The following RIMS2 variants were observed in gnomAD, a reference collection of about 807,000 sequenced individuals.
RIMS2 encodes the protein regulating synaptic membrane exocytosis 2.
A neutral mutation model predicts 174.4 loss-of-function variants in RIMS2; 59 were observed. The ratio of observed to expected loss-of-function variants is 0.34; its 90% CI spans 0.27 to 0.42. The LOEUF is 0.42. Among genes scored for constraint, RIMS2 ranks in the 10% least tolerant of loss-of-function variants. RIMS2 has a pLI of 1.00. For missense variants in RIMS2, 1,620 were observed against 1,666.3 expected (o/e 0.97, Z 0.48); for synonymous variants, 606 against 572.5 (o/e 1.06, Z -0.84).
chr8:103,660,516 T>A (rs1387159490), intron 1 of RIMS2, among the ~76,000 whole-genome samples: 1 of 152,102 alleles, frequency 6.6e-6, no homozygotes, highest in Non-Finnish European at 1.5e-5. Context: ...CTCATTTTAT[T>A]GGTGATGATG....
At chr8:104,236,231 A>G (rs926885184) in intron 19 of RIMS2, among the ~76,000 whole-genome samples, 2 of 152,020 alleles carry the variant, frequency 1.3e-5, no homozygotes, top group African/African-American at 4.8e-5. Context: ...GGCATGCTAC[A>G]TTTCATCACT....
chr8:103,806,857 A>G (rs2098653564), intron 3 of RIMS2, among the ~76,000 whole-genome samples: 1 of 152,164 alleles, frequency 6.6e-6, no homozygotes, highest in African/African-American at 2.4e-5. Flanking sequence ...CAAAAGAGAT[A>G]TCAAGGTTAA....
intron 19 of RIMS2, among the ~76,000 whole-genome samples, chr8:104,025,708 T>TACAC (rs34638633): frequency 0.023 from 3,503 of 149,318 alleles, 117 homozygotes; most frequent in African/African-American, 0.075. Flanking sequence ...GTTAAACGTA[T>TACAC]ACACACACAC....
intron 19 of RIMS2, among the ~76,000 whole-genome samples, chr8:104,229,916 A>G (rs1237512522): frequency 6.6e-6 from 1 of 152,250 alleles, no homozygotes; most frequent in Non-Finnish European, 1.5e-5. Flanking sequence ...TGAGCTTCGT[A>G]GACATCACCA....
chr8:104,182,707 A>G (rs1405098766), intron 19 of RIMS2, among the ~76,000 whole-genome samples: 2 of 151,758 alleles, frequency 1.3e-5, no homozygotes, highest in Non-Finnish European at 2.9e-5. Flanking sequence ...CACCAGCAAC[A>G]TTTCAAGTGC....
intron 11 of RIMS2, chr8:103,927,993 C>A: frequency 2.5e-6 from 2 of 811,062 alleles, no homozygotes; most frequent in Non-Finnish European, 3.9e-6. Context: ...TATGTTGCTC[C>A]AAATCATATT....
chr8:103,907,438 A>G (rs1483038588), intron 4 of RIMS2, among the ~76,000 whole-genome samples: 1 of 152,180 alleles, frequency 6.6e-6, no homozygotes, highest in Non-Finnish European at 1.5e-5. Flanking sequence ...TTGATAAGTA[A>G]AAATCATTCA....
At chr8:104,172,555 A>C (rs1237179406) in intron 19 of RIMS2, among the ~76,000 whole-genome samples, 1 of 152,218 alleles carries the variant, frequency 6.6e-6, no homozygotes, top group Non-Finnish European at 1.5e-5. Flanking sequence ...TTTGTGCTCC[A>C]GTGGCTGAGA....
intron 19 of RIMS2, among the ~76,000 whole-genome samples, chr8:104,222,239 A>T (rs1563838445): frequency 1.3e-5 from 2 of 152,044 alleles, no homozygotes; most frequent in East Asian, 3.9e-4. Context: ...GAGAGCAGGG[A>T]TTTTTTTTAG....
At chr8:103,800,694 GTAT>G (rs2098601174) in intron 3 of RIMS2, among the ~76,000 whole-genome samples, 1 of 152,032 alleles carries the variant, frequency 6.6e-6, no homozygotes, top group Non-Finnish European at 1.5e-5. Context: ...GGTCATGATG[GTAT>G]TATTCTATTT....
At chr8:104,223,436 C>T in intron 19 of RIMS2, 1 of 1,361,338 alleles carries the variant, frequency 7.3e-7, no homozygotes, top group East Asian at 3.0e-5. Context: ...TCCATCTCCT[C>T]CTCTGGACCC....
intron 17 of RIMS2, among the ~76,000 whole-genome samples, chr8:104,003,565 C>A (rs972192120): frequency 2.0e-5 from 3 of 152,080 alleles, no homozygotes; most frequent in Non-Finnish European, 4.4e-5. Flanking sequence ...AAGCATGTGC[C>A]ACTGCATCTG....
rs188367303 is a variant in RIMS2 at position 103,515,022 on chromosome 8, C to G, written c.176+13960C>G. On this transcript the variant is annotated intron_variant, in intron 1 of 23. Coordinates refer to ENST00000504942, the Ensembl canonical transcript of RIMS2. ...TGCTATTAGAATTTTGAAAATTCAT[C>G]CTCTTTAAATTTTACTTCAAAGCTA... Among the ~76,000 whole-genome samples the G allele has an allele frequency of 5.8e-3, 880 of 152,052 alleles. 3 individuals carry two copies. Among genetic ancestry groups the G allele is most frequent in the Non-Finnish European group, 0.01 (697 of 67,972 alleles).
chr8:103,899,886 T>C (rs1338697161), intron 4 of RIMS2, among the ~76,000 whole-genome samples: 1 of 151,808 alleles, frequency 6.6e-6, no homozygotes, highest in Non-Finnish European at 1.5e-5. Flanking sequence ...CATCTTGAAT[T>C]AATTTTTGTA....
At chr8:104,017,008 T>C (rs28376215) in intron 19 of RIMS2, among the ~76,000 whole-genome samples, 1 of 152,082 alleles carries the variant, frequency 6.6e-6, no homozygotes, top group Non-Finnish European at 1.5e-5. Flanking sequence ...AAAACCTCCC[T>C]TATCCTTTTT....
chr8:103,659,566 C>G (rs2096571788), intron 1 of RIMS2, among the ~76,000 whole-genome samples: 6 of 152,232 alleles, frequency 3.9e-5, no homozygotes, highest in Admixed American at 3.9e-4. Context: ...CTAGACTCTT[C>G]ACTGCCTGAG....
At position 103,621,774 on chromosome 8, in the gene RIMS2, T is replaced by C. The variant is rs146999816; in HGVS notation, c.177-75312T>C. On this transcript the variant is annotated intron_variant, in intron 1 of 23. Coordinates refer to ENST00000504942, the Ensembl canonical transcript of RIMS2. ...GGCACACAGTAAATATTCACAAACA[T>C]CAGAAGGAATGGATGTAGGAGAAAT... Among the ~76,000 whole-genome samples the C allele has an allele frequency of 3.1e-3, 467 of 152,322 alleles. 2 individuals carry two copies. The highest frequency in any genetic ancestry group is 9.5e-3 in the African/African-American group (396 of 41,580).
chr8:103,971,936 T>G (rs1379045984), intron 15 of RIMS2, among the ~76,000 whole-genome samples: 7 of 152,150 alleles, frequency 4.6e-5, no homozygotes, highest in Non-Finnish European at 1.0e-4. Flanking sequence ...TTTTGCTCTT[T>G]TTTTGCTTTT....
intron 3 of RIMS2, among the ~76,000 whole-genome samples, chr8:103,789,665 C>G (rs2098477696): frequency 6.6e-6 from 1 of 151,888 alleles, no homozygotes; most frequent in African/African-American, 2.4e-5. Flanking sequence ...AATACTTTTC[C>G]CCAGTTTATT....
Sources: gnomAD v4.1 joint callset for allele counts (sites outside exome capture counted in the v4.1 genomes callset) on GRCh38, gnomAD v4.1.1 for gene constraint, MANE v1.5 for transcripts, NCBI Gene and HGNC (gene_info 2026-07-23, HGNC 2026-07-21) for gene names.